The following PTPRD variants were observed in gnomAD, a reference collection of about 807,000 sequenced individuals.
PTPRD encodes receptor-type tyrosine-protein phosphatase delta.
In PTPRD, 34 loss-of-function variants were observed where a neutral mutation model predicts 214.5. The ratio of observed to expected loss-of-function variants is 0.16; its 90% CI spans 0.12 to 0.21. PTPRD has a LOEUF of 0.21. Among genes scored for constraint, PTPRD ranks in the 10% least tolerant of loss-of-function variants. PTPRD has a pLI of 1.00. For missense variants in PTPRD, 2,545 were observed against 2,398.7 expected (o/e 1.06, Z -1.27); for synonymous variants, 1,128 against 845.7 (o/e 1.33, Z -5.79).
chr9:9,000,949 C>G (rs560064518), intron 11 of PTPRD, among the ~76,000 whole-genome samples: 1 of 151,878 alleles, frequency 6.6e-6, no homozygotes, highest in East Asian at 1.9e-4. Context: ...CATACCTTAA[C>G]CATACAAACA....
At chr9:8,785,990 A>G (rs1434677177) in intron 11 of PTPRD, among the ~76,000 whole-genome samples, 1 of 152,142 alleles carries the variant, frequency 6.6e-6, no homozygotes, top group East Asian at 1.9e-4. Flanking sequence ...CTACAGATAG[A>G]TAACAAACAC....
chr9:10,543,332 T>C (rs552095785), intron 2 of PTPRD, among the ~76,000 whole-genome samples: 1 of 152,286 alleles, frequency 6.6e-6, no homozygotes, highest in East Asian at 1.9e-4. Context: ...GAGACACCTT[T>C]ATAACAATCT....
chr9:9,135,020 G>A (rs28672981), intron 10 of PTPRD, among the ~76,000 whole-genome samples: 4,910 of 152,126 alleles, frequency 0.032, 164 homozygotes, highest in African/African-American at 0.07. Context: ...GGACTCATAT[G>A]CGCTTTATGA....
At chr9:9,867,005 T>C (rs2064132322) in intron 5 of PTPRD, among the ~76,000 whole-genome samples, 1 of 152,294 alleles carries the variant, frequency 6.6e-6, no homozygotes, top group East Asian at 1.9e-4. Flanking sequence ...TTTGGCTTTA[T>C]AGTATTCAAA....
At chr9:10,153,662 T>C (rs1346143844) in intron 3 of PTPRD, among the ~76,000 whole-genome samples, 1 of 152,102 alleles carries the variant, frequency 6.6e-6, no homozygotes, top group Non-Finnish European at 1.5e-5. Flanking sequence ...TAGTATTCAT[T>C]AGTTATTTTT....
At chr9:9,491,447 C>A (rs904685130) in intron 8 of PTPRD, among the ~76,000 whole-genome samples, 1 of 151,808 alleles carries the variant, frequency 6.6e-6, no homozygotes, top group Admixed American at 6.6e-5. Flanking sequence ...CTAGATCTAA[C>A]GGAAATGTAC....
Position 9,312,633 on chromosome 9 carries a change from T to C in PTPRD, c.-203+84816A>G, listed in dbSNP as rs116762503. On this transcript the variant is annotated intron_variant, in intron 9 of 45. Coordinates refer to ENST00000381196, the MANE Select transcript of PTPRD (RefSeq NM_002839.4). ...TGAATGTGGGTGTGAGTACACCCTG[T>C]GATGGGATGTCATTTTGTCCCAGGT... Among the ~76,000 whole-genome samples, 669 of 152,268 alleles carry C rather than the reference T, an allele frequency of 4.4e-3. 4 individuals are homozygous for C. Among genetic ancestry groups the C allele is most frequent in the African/African-American group, 0.015 (639 of 41,554 alleles).
At chr9:10,113,740 T>G (rs1029029779) in intron 3 of PTPRD, among the ~76,000 whole-genome samples, 1 of 152,188 alleles carries the variant, frequency 6.6e-6, no homozygotes, top group African/African-American at 2.4e-5. Flanking sequence ...CTTCGCCACT[T>G]TAATGTGGAC....
chr9:9,293,709 G>A (rs566870623), intron 9 of PTPRD, among the ~76,000 whole-genome samples: 2 of 151,532 alleles, frequency 1.3e-5, no homozygotes, highest in Non-Finnish European at 3.0e-5. Context: ...TAATGAACTC[G>A]ACTGCTGGCA....
intron 11 of PTPRD, among the ~76,000 whole-genome samples, chr9:8,807,899 G>A (rs1377887345): frequency 6.6e-6 from 1 of 152,130 alleles, no homozygotes; most frequent in Non-Finnish European, 1.5e-5. Context: ...TGGGTCTAAA[G>A]AGAATCTGTA....
chr9:8,611,337 C>T (rs574805108), intron 14 of PTPRD, among the ~76,000 whole-genome samples: 5 of 152,100 alleles, frequency 3.3e-5, no homozygotes, highest in East Asian at 1.9e-4. Context: ...CTTATGATGA[C>T]GTCACTAAAA....
intron 7 of PTPRD, among the ~76,000 whole-genome samples, chr9:9,725,497 G>C (rs1018783616): frequency 6.6e-6 from 1 of 152,078 alleles, no homozygotes; most frequent in Admixed American, 6.6e-5. Context: ...AAGGCTAAGA[G>C]AAAAGGCACT....
At chr9:9,412,432 C>T (rs998229474) in intron 8 of PTPRD, among the ~76,000 whole-genome samples, 7 of 151,756 alleles carry the variant, frequency 4.6e-5, no homozygotes, top group African/African-American at 1.7e-4. Flanking sequence ...TCCCAGCATG[C>T]AGCCCATACA....
chr9:10,411,790 G>T (rs2098438553), intron 2 of PTPRD, among the ~76,000 whole-genome samples: 1 of 151,620 alleles, frequency 6.6e-6, no homozygotes, highest in Admixed American at 6.6e-5. Flanking sequence ...TAAAAAAGCT[G>T]AAAATTATTA....
intron 10 of PTPRD, among the ~76,000 whole-genome samples, chr9:9,055,210 C>T (rs1222337062): frequency 6.6e-6 from 1 of 152,050 alleles, no homozygotes; most frequent in African/African-American, 2.4e-5. Context: ...TGCAGCATTG[C>T]TTATAAGAGC....
At chr9:9,821,169 G>A (rs767535193) in intron 5 of PTPRD, among the ~76,000 whole-genome samples, 4 of 151,902 alleles carry the variant, frequency 2.6e-5, no homozygotes, top group Admixed American at 6.6e-5. Flanking sequence ...GTGTGTATAC[G>A]TGGCTACTAT....
chr9:8,792,787 C>T (rs1269853882), intron 11 of PTPRD, among the ~76,000 whole-genome samples: 1 of 152,162 alleles, frequency 6.6e-6, no homozygotes, highest in Non-Finnish European at 1.5e-5. Context: ...GACACACTTT[C>T]CTTTTTTGCC....
rs560488338 is a variant in PTPRD, at chr9:8,816,762, A to G, written c.-103-82816T>C. ...TAAATTACTCAAGTTCAGTCTTTTT[A>G]CATAAACAAAAGCCTCTTGAAGTCT... On this transcript the variant is annotated intron_variant, in intron 11 of 45. Transcript: ENST00000381196. Among the ~76,000 whole-genome samples the G allele has an allele frequency of 5.3e-5, 8 of 152,358 alleles. No individual in the cohort carries two copies. In the South Asian group the frequency reaches 1.4e-3, roughly 28 times the overall value.
At chr9:8,888,995 A>C (rs1186188860) in intron 11 of PTPRD, among the ~76,000 whole-genome samples, 1 of 152,212 alleles carries the variant, frequency 6.6e-6, no homozygotes, top group East Asian at 1.9e-4. Context: ...TATTGAATGT[A>C]AAATATTTAT....
Sources: allele counts gnomAD v4.1 joint callset (sites outside exome capture counted in the v4.1 genomes callset), GRCh38; gene constraint gnomAD v4.1.1; transcripts MANE v1.5; gene names NCBI Gene and HGNC (gene_info 2026-07-23, HGNC 2026-07-21).